The following NLGN1 variants were observed in gnomAD, a reference collection of about 807,000 sequenced individuals.
The protein encoded by NLGN1 is neuroligin-1.
Under a neutral mutation model 65.5 loss-of-function variants are expected in NLGN1, and 12 were observed. The observed-to-expected ratio is 0.18, with a 90% CI of 0.12 to 0.30. The LOEUF (loss-of-function observed/expected upper bound fraction) is 0.30, where lower values mean the gene tolerates loss of function less well. NLGN1 is among the 10% of genes least tolerant of loss of function. NLGN1 has a pLI of 1.00. For synonymous variants in NLGN1, 350 were observed against 359.5 expected, an observed-to-expected ratio of 0.97 and a Z score of 0.30; for missense variants, 750 against 1,007.1, an observed-to-expected ratio of 0.74 and a Z score of 3.46.
At chr3:173,453,382 GT>G (rs1302131557) in intron 2 of NLGN1, among the ~76,000 whole-genome samples, 4,311 of 143,560 alleles carry the variant, frequency 0.03, 198 homozygotes, top group African/African-American at 0.098. Context: ...GGGATTGGTA[GT>G]TTTTTTTTTT....
At chr3:173,442,444 C>G (rs557528862) in intron 2 of NLGN1, among the ~76,000 whole-genome samples, 1 of 152,048 alleles carries the variant, frequency 6.6e-6, no homozygotes, top group Admixed American at 6.6e-5. Flanking sequence ...CTGAATCCAG[C>G]CAAAAATAAT....
chr3:173,664,568 T>A (rs1761435012), intron 3 of NLGN1, among the ~76,000 whole-genome samples: 1 of 152,134 alleles, frequency 6.6e-6, no homozygotes. Context: ...TTTCCTGTGC[T>A]GTGATTATTG....
chr3:173,609,104 A>G (rs1751856780), intron 3 of NLGN1, among the ~76,000 whole-genome samples: 1 of 151,976 alleles, frequency 6.6e-6, no homozygotes, highest in Admixed American at 6.6e-5. Context: ...AATATTAGAC[A>G]GTAAACATGA....
intron 2 of NLGN1, among the ~76,000 whole-genome samples, chr3:173,555,048 A>G (rs1269308240): frequency 1.3e-5 from 2 of 152,130 alleles, no homozygotes; most frequent in Non-Finnish European, 2.9e-5. Flanking sequence ...GACCATGTAT[A>G]TGTCTTATTT....
At chr3:174,222,466 A>G (rs986858372) in intron 4 of NLGN1, among the ~76,000 whole-genome samples, 1 of 152,176 alleles carries the variant, frequency 6.6e-6, no homozygotes, top group African/African-American at 2.4e-5. Context: ...CCCACCACAA[A>G]TCAATGCACA....
chr3:174,067,148 A>G (rs538374664), intron 4 of NLGN1, among the ~76,000 whole-genome samples: 1 of 152,158 alleles, frequency 6.6e-6, no homozygotes, highest in South Asian at 2.1e-4. Context: ...TAGTTATATG[A>G]TACTATGTTG....
chr3:173,962,227 A>G (rs1430647874), intron 4 of NLGN1, among the ~76,000 whole-genome samples: 1 of 152,120 alleles, frequency 6.6e-6, no homozygotes, highest in Non-Finnish European at 1.5e-5. Flanking sequence ...TTTGTGAGTT[A>G]AGCTTAGCCT....
At chr3:174,197,458 C>T (rs1051835086) in intron 4 of NLGN1, among the ~76,000 whole-genome samples, 2 of 145,972 alleles carry the variant, frequency 1.4e-5, no homozygotes, top group Non-Finnish European at 3.0e-5. Flanking sequence ...AGTCTATTTG[C>T]TGCTCTACTC....
intron 2 of NLGN1, among the ~76,000 whole-genome samples, chr3:173,539,741 T>TGTACCTATGCACATATATACATATAG (rs1738366573): frequency 7.7e-6 from 1 of 129,980 alleles, no homozygotes; most frequent in East Asian, 2.2e-4. Flanking sequence ...TATACATATA[T>TGTACCTATGCACATATATACATATAG]GTACATATAT....
intron 3 of NLGN1, among the ~76,000 whole-genome samples, chr3:173,679,466 T>A (rs574699365): frequency 3.9e-5 from 6 of 152,156 alleles, no homozygotes; most frequent in Admixed American, 1.3e-4. Context: ...ATAAATGTTC[T>A]ACAGGGGAGG....
intron 2 of NLGN1, among the ~76,000 whole-genome samples, chr3:173,562,562 T>TA (rs76883121): frequency 1.4e-3 from 200 of 140,574 alleles, no homozygotes; most frequent in Middle Eastern, 7.4e-3. Flanking sequence ...CAAGATTGTC[T>TA]AAAAAAAAAA....
In NLGN1 at chr3:174,237,447, G is replaced by T. The variant is rs143437925; in HGVS notation, c.647-37868G>T. 9.8e-5 allele frequency among the ~76,000 whole-genome samples: 15 copies of T among 152,290 alleles called. No individual in the cohort carries two copies. The East Asian group carries it at 2.9e-3, about 29-fold the overall frequency. On this transcript the variant is annotated intron_variant, in intron 4 of 6. Transcript: ENST00000457714. Reference sequence around the variant, plus strand: ...TTGCTTTTGATTCATCATTCAGTCAGCTGCAATTCACCTTCAAGTAATATT... The same window carrying T: ...TTGCTTTTGATTCATCATTCAGTCATCTGCAATTCACCTTCAAGTAATATT...
intron 4 of NLGN1, among the ~76,000 whole-genome samples, chr3:173,945,992 C>T (rs906104104): frequency 4.6e-5 from 7 of 152,178 alleles, no homozygotes; most frequent in Admixed American, 3.3e-4. Flanking sequence ...TGCCTGGTGC[C>T]ATAAACTGAT....
rs541423408 is a variant in NLGN1 at position 174,160,782 on chromosome 3, A to G, written c.647-114533A>G. On this transcript the variant is annotated intron_variant, in intron 4 of 6. Transcript: ENST00000457714. ...CCCCCAAGCATTTATCCTTTGTGTT[A>G]CAATCAGTTCTTTTAATTATTTTAA... is the stretch of plus-strand genomic sequence containing the variant. Among the ~76,000 whole-genome samples the G allele has an allele frequency of 5.3e-4, 80 of 151,646 alleles. No homozygotes were observed. In the South Asian group the frequency reaches 0.016, roughly 30 times the overall value.
At chr3:173,630,601 A>T (rs1414088567) in intron 3 of NLGN1, among the ~76,000 whole-genome samples, 1 of 151,982 alleles carries the variant, frequency 6.6e-6, no homozygotes, top group East Asian at 1.9e-4. Context: ...TTTTAACATC[A>T]TTCTAATTTA....
chr3:173,859,750 G>C (rs142660719), intron 4 of NLGN1, among the ~76,000 whole-genome samples: 13 of 151,716 alleles, frequency 8.6e-5, no homozygotes, highest in Non-Finnish European at 1.9e-4. Flanking sequence ...TAAACAATTT[G>C]TTTTATAAAT....
intron 3 of NLGN1, among the ~76,000 whole-genome samples, chr3:173,656,035 G>A (rs369133438): frequency 3.3e-5 from 5 of 152,244 alleles, no homozygotes; most frequent in East Asian, 3.9e-4. Flanking sequence ...ATCCTCAAGA[G>A]GTTTCCATTG....
At chr3:173,712,405 A>G (rs984977340) in intron 3 of NLGN1, among the ~76,000 whole-genome samples, 2 of 152,154 alleles carry the variant, frequency 1.3e-5, no homozygotes, top group Non-Finnish European at 2.9e-5. Flanking sequence ...AGCTAATTAT[A>G]CTCAAGATTC....
intron 4 of NLGN1, among the ~76,000 whole-genome samples, chr3:174,088,806 A>AC (rs1743961815): frequency 4.1e-5 from 6 of 147,682 alleles, no homozygotes; most frequent in South Asian, 2.1e-4. Flanking sequence ...ATAAATAAAT[A>AC]AAACTAGATT....
Sources: gnomAD v4.1 joint callset for allele counts (sites outside exome capture counted in the v4.1 genomes callset) on GRCh38, gnomAD v4.1.1 for gene constraint, MANE v1.5 for transcripts, NCBI Gene and HGNC (gene_info 2026-07-23, HGNC 2026-07-21) for gene names.